The following CUL2 variants were observed in gnomAD, a reference collection of about 807,000 sequenced individuals.
The protein encoded by CUL2 is cullin 2.
In CUL2, 22 loss-of-function variants were observed where a neutral mutation model predicts 110.2. That is an observed-to-expected ratio of 0.20 (90% confidence interval 0.14 to 0.28). The LOEUF is 0.28. Ranked by LOEUF, CUL2 falls within the 10% of genes least tolerant of loss-of-function variation. The pLI, the probability that CUL2 is intolerant of heterozygous loss-of-function variation, is 1.00. For synonymous variants in CUL2, 279 were observed against 293.2 expected, an observed-to-expected ratio of 0.95 and a Z score of 0.49; for missense variants, 631 against 905.5, an observed-to-expected ratio of 0.70 and a Z score of 3.89.
Position 35,028,722 on chromosome 10 carries a change from A to C in CUL2, c.1617+88T>G, listed in dbSNP as rs2085393743. 22 of 842,750 alleles carry C rather than the reference A, an allele frequency of 2.6e-5. 1 individual carries two copies. In the South Asian group the frequency reaches 3.7e-4, roughly 14 times the overall value. 52.2% of individuals were successfully genotyped at this position (842,750 alleles called of 1,614,324 possible). ...TCTATTTTTATCACATGAACCCTTA[A>C]GACTCTGAAAAAATATTAAAGGTGA... is the stretch of plus-strand genomic sequence containing the variant. On this transcript the variant is annotated intron_variant, in intron 16 of 20. Coordinates refer to ENST00000374749, the MANE Select transcript of CUL2 (RefSeq NM_003591.4).
chr10:35,058,967 G>A (rs2086313339), intron 4 of CUL2, among the ~76,000 whole-genome samples: 1 of 152,176 alleles, frequency 6.6e-6, no homozygotes, highest in African/African-American at 2.4e-5. Context: ...GGAAGTGACT[G>A]GAGGTGTGGT....
intron 5 of CUL2, among the ~76,000 whole-genome samples, chr10:35,050,297 G>A (rs1291475659): frequency 6.7e-6 from 1 of 149,958 alleles, no homozygotes; most frequent in Non-Finnish European, 1.5e-5. Context: ...CTCCAGCCTG[G>A]TGACAACAGT....
At chr10:35,074,248 C>A (rs2086758989) in intron 1 of CUL2, 2 of 1,527,860 alleles carry the variant, frequency 1.3e-6, no homozygotes, top group Admixed American at 3.9e-5. Flanking sequence ...TTTGTTGTTT[C>A]CTTCTACAGA....
rs146137705 is a variant in CUL2 at position 35,016,122 on chromosome 10, A to G, written c.1887+70T>C. 859 of 1,294,578 alleles carry G rather than the reference A, an allele frequency of 6.6e-4. 1 individual carries two copies. The highest frequency in any genetic ancestry group is 8.7e-4 in the Non-Finnish European group (796 of 916,122). The allele number at this position is 1,294,578 out of a possible 1,614,324, so 80.2% of individuals were successfully genotyped here. On this transcript the variant is annotated intron_variant, in intron 18 of 20. Transcript: ENST00000374749. ...AATAACAATTACAGCCTTATTTTAA[A>G]ACTGCAAACATCTCATGAAAAAGCT...
chr10:35,027,806 G>T (rs1258118809), intron 16 of CUL2, among the ~76,000 whole-genome samples: 1 of 152,116 alleles, frequency 6.6e-6, no homozygotes, highest in African/African-American at 2.4e-5. Flanking sequence ...GGAGAGAATA[G>T]TATTTTTGGA....
chr10:35,107,759 G>A (rs1432964857), intron 1 of CUL2, among the ~76,000 whole-genome samples: 2 of 151,648 alleles, frequency 1.3e-5, no homozygotes, highest in Non-Finnish European at 2.9e-5. Flanking sequence ...GCAGGCGCTT[G>A]TGGTCCCAGC....
At chr10:35,037,052 T>G (rs1265422858) in intron 9 of CUL2, among the ~76,000 whole-genome samples, 1 of 152,212 alleles carries the variant, frequency 6.6e-6, no homozygotes, top group East Asian at 1.9e-4. Flanking sequence ...ATCGTTCCTT[T>G]GTGGTTAGGG....
chr10:35,050,164 T>C (rs2086063398), intron 5 of CUL2, among the ~76,000 whole-genome samples: 1 of 151,868 alleles, frequency 6.6e-6, no homozygotes, highest in Non-Finnish European at 1.5e-5. Flanking sequence ...CTACTAAAAA[T>C]ACAAAAATGA....
chr10:35,023,422 A>T (rs1248267393), intron 17 of CUL2, among the ~76,000 whole-genome samples: 1 of 152,222 alleles, frequency 6.6e-6, no homozygotes, highest in African/African-American at 2.4e-5. Flanking sequence ...ATGAACAAAC[A>T]AAAGAGCTCC....
chr10:35,079,898 A>C (rs1044793582), intron 1 of CUL2, among the ~76,000 whole-genome samples: 13 of 152,222 alleles, frequency 8.5e-5, no homozygotes, highest in African/African-American at 2.9e-4. Flanking sequence ...CTGATAATCA[A>C]GACAGCTACT....
At chr10:35,082,746 CA>C (rs2086973244) in intron 1 of CUL2, among the ~76,000 whole-genome samples, 1 of 152,126 alleles carries the variant, frequency 6.6e-6, no homozygotes, top group African/African-American at 2.4e-5. Context: ...AGACTTTTAT[CA>C]AATAAAAGAG....
At chr10:35,115,813 A>G (rs568922040) in intron 1 of CUL2, among the ~76,000 whole-genome samples, 23 of 152,060 alleles carry the variant, frequency 1.5e-4, no homozygotes, top group Non-Finnish European at 3.1e-4. Flanking sequence ...GGATGGGTTG[A>G]ACCTGGGAGG....
intron 1 of CUL2, among the ~76,000 whole-genome samples, chr10:35,104,719 A>T (rs1331387386): frequency 6.6e-6 from 1 of 152,024 alleles, no homozygotes; most frequent in African/African-American, 2.4e-5. Context: ...CAGTCCTACT[A>T]AACGAAGAAT....
At chr10:35,115,731 C>CA (rs1412853533) in intron 1 of CUL2, among the ~76,000 whole-genome samples, 3 of 151,522 alleles carry the variant, frequency 2.0e-5, no homozygotes, top group Non-Finnish European at 1.5e-5. Context: ...CCCATCACTA[C>CA]AAAAAAATAC....
chr10:35,038,525 CAAA>C (rs61022194), intron 9 of CUL2, among the ~76,000 whole-genome samples: 2 of 65,486 alleles, frequency 3.1e-5, no homozygotes, highest in East Asian at 5.1e-4. Flanking sequence ...GACTCTGTCT[CAAA>C]AAAAAAAAAA....
chr10:35,031,356 T>C lies in CUL2; in HGVS notation c.1330A>G (p.Ile444Val). 6.2e-7 allele frequency: 1 copy of C among 1,609,790 alleles called. No homozygotes were observed. The highest frequency in any genetic ancestry group is 8.5e-7 in the Non-Finnish European group (1 of 1,178,222). ...TCCATAGACATGGATAACCCATGAA[T>C]TAAACGTTTTGCCAGCATTCTTGCG... ...FYARMLAKRL[I>V]HGLSMSMDSE... The change falls in exon 14 of 21, where the codon ATT becomes GTT. Residue 444 changes from isoleucine to valine, a missense_variant. Transcript: ENST00000374749. This position sits in a 1 kb window ranked among gnomAD's most constrained non-coding sequence, Gnocchi z 4.4.
At chr10:35,012,509 G>GT (rs894445015) in intron 19 of CUL2, among the ~76,000 whole-genome samples, 8 of 152,036 alleles carry the variant, frequency 5.3e-5, no homozygotes, top group Admixed American at 2.0e-4. Flanking sequence ...GGCATTTTAT[G>GT]TGGCTCAAGC....
Position 35,071,261 on chromosome 10 carries a change from C to G in CUL2, c.57G>C (p.Thr19=). ...CCAACATGACCACGGCTTTTATTGTCGTCAAAAGTTTGTTCCATGTTTCAT... is the reference window on the plus strand; with the variant it reads ...CCAACATGACCACGGCTTTTATTGTGGTCAAAAGTTTGTTCCATGTTTCAT... The part of the protein sequence containing the change: ...DFDETWNKLL[T]TIKAVVMLEY... The change falls in exon 2 of 21, where the codon ACG becomes ACC. Residue 19 remains threonine (T), a synonymous_variant. Transcript: ENST00000374749. The G allele has an allele frequency of 3.1e-6, 5 of 1,614,004 alleles. No homozygotes were observed. The highest frequency in any genetic ancestry group is 4.2e-6 in the Non-Finnish European group (5 of 1,179,922).
At chr10:35,025,039 A>G in intron 17 of CUL2, 93 bp downstream of exon 17, 1 of 1,363,894 alleles carries the variant, frequency 7.3e-7, no homozygotes, top group Non-Finnish European at 9.5e-7. Context: ...GAAAAGGTTA[A>G]AAACTGTAAT....
Sources: allele counts gnomAD v4.1 joint callset (sites outside exome capture counted in the v4.1 genomes callset), GRCh38; gene constraint gnomAD v4.1.1; non-coding constraint Gnocchi (gnomAD v3.1); transcripts MANE v1.5; gene names NCBI Gene and HGNC (gene_info 2026-07-23, HGNC 2026-07-21).